Variants in CPNE4 observed in about 807,000 individuals in gnomAD.
CPNE4 encodes copine 4.
A neutral mutation model predicts 67.9 loss-of-function variants in CPNE4; 25 were observed. That is an observed-to-expected ratio of 0.37 (90% CI 0.27 to 0.51). CPNE4 has a LOEUF of 0.51. Among genes scored for constraint, CPNE4 ranks in the 20% least tolerant of loss-of-function variants. CPNE4 has a pLI of 0.93. For missense variants in CPNE4, 464 were observed against 690.8 expected, an observed-to-expected ratio of 0.67 and a Z score of 3.68; for synonymous variants, 242 against 244.9, an observed-to-expected ratio of 0.99 and a Z score of 0.11.
Position 132,034,962 on chromosome 3 carries a change from A to G in CPNE4, c.-397T>C. The G allele has an allele frequency of 2.0e-6, 2 of 985,678 alleles. No individual in the cohort carries two copies. The highest frequency in any genetic ancestry group is 9.4e-5 in the South Asian group (2 of 21,292). The allele number at this position is 985,678 out of a possible 1,614,324, so 61.1% of individuals were successfully genotyped here. On this transcript the variant is annotated 5_prime_UTR_variant, in exon 1 of 16. Coordinates refer to ENST00000429747, the MANE Select transcript of CPNE4 (RefSeq NM_130808.3). The stretch of plus-strand genomic sequence containing the variant: ...AGGGTGGCAGAAAGAGAAGGGGACG[A>G]GCGGGTGGCGGGGAGATGGCAGCTT...
At chr3:131,799,185 C>T (rs1233358774) in intron 2 of CPNE4, among the ~76,000 whole-genome samples, 1 of 151,978 alleles carries the variant, frequency 6.6e-6, no homozygotes, top group African/African-American at 2.4e-5. Flanking sequence ...CAGATATAAT[C>T]GAGTTAGGAA....
intron 6 of CPNE4, among the ~76,000 whole-genome samples, chr3:131,682,743 C>T (rs1203891940): frequency 1.3e-5 from 2 of 152,096 alleles, no homozygotes; most frequent in East Asian, 3.9e-4. Flanking sequence ...CTCCCAGTCC[C>T]AGGCAGGTCC....
intron 1 of CPNE4, among the ~76,000 whole-genome samples, chr3:131,961,618 C>T (rs2072180341): frequency 6.6e-6 from 1 of 152,178 alleles, no homozygotes; most frequent in South Asian, 2.1e-4. Context: ...CAAGCATGTT[C>T]TGTTTCTCTG....
At chr3:131,614,451 T>C (rs1022098674) in intron 7 of CPNE4, among the ~76,000 whole-genome samples, 5 of 152,300 alleles carry the variant, frequency 3.3e-5, no homozygotes, top group East Asian at 3.9e-4. Context: ...TGCATCCTTA[T>C]TGGACATGAG....
At chr3:131,859,598 TG>T (rs776668619) in intron 2 of CPNE4, among the ~76,000 whole-genome samples, 2 of 152,138 alleles carry the variant, frequency 1.3e-5, no homozygotes, top group African/African-American at 4.8e-5. Context: ...GTAGAATCTC[TG>T]GGGGTGGAAC....
intron 1 of CPNE4, among the ~76,000 whole-genome samples, chr3:131,906,521 C>A (rs1442446132): frequency 1.3e-5 from 2 of 150,130 alleles, no homozygotes; most frequent in Admixed American, 6.7e-5. Context: ...TTTGTTCTTG[C>A]GATAGTTTAC....
At chr3:131,891,768 G>T (rs1409998922) in intron 2 of CPNE4, among the ~76,000 whole-genome samples, 1 of 151,944 alleles carries the variant, frequency 6.6e-6, no homozygotes, top group Non-Finnish European at 1.5e-5. Flanking sequence ...TCTTTTTATG[G>T]CTGCATCGTA....
intron 7 of CPNE4, among the ~76,000 whole-genome samples, chr3:131,626,798 A>G (rs2079084798): frequency 6.6e-6 from 1 of 152,224 alleles, no homozygotes; most frequent in Admixed American, 6.5e-5. Context: ...AGGAGAAGTC[A>G]ATGCCCGGCT....
chr3:131,853,319 G>A (rs761474438), intron 2 of CPNE4, among the ~76,000 whole-genome samples: 2 of 151,694 alleles, frequency 1.3e-5, no homozygotes, highest in Non-Finnish European at 3.0e-5. Context: ...ATTCAATATG[G>A]AAAAAAGCGT....
chr3:131,838,710 G>C (rs966500971), intron 2 of CPNE4, among the ~76,000 whole-genome samples: 2 of 151,506 alleles, frequency 1.3e-5, no homozygotes, highest in African/African-American at 4.8e-5. Context: ...TACTATAAAA[G>C]TACTTGTTTT....
rs987817513 is a variant in CPNE4, at chr3:131,793,895, G to T, written c.181-70270C>A. Among the ~76,000 whole-genome samples the T allele has an allele frequency of 2.6e-5, 4 of 152,294 alleles. No homozygotes were observed. In the South Asian group the frequency reaches 8.3e-4, roughly 32 times the overall value. On this transcript the variant is annotated intron_variant, in intron 2 of 15. Transcript: ENST00000429747. ...CAGTCACTCACATATCACATGCCCT[G>T]TTTCTATGAGCTTGTCAGTGGTTGC...
chr3:131,643,541 A>G lies in CPNE4; in HGVS notation c.681+26134T>C, dbSNP rs73001279. Reference sequence around the variant, plus strand: ...CTTGGATTTTTGGGTTGATGCTGCAATGAGCTAAGATGTTGGGGGACTGGT... The same window carrying G: ...CTTGGATTTTTGGGTTGATGCTGCAGTGAGCTAAGATGTTGGGGGACTGGT... On this transcript the variant is annotated intron_variant, in intron 7 of 15. Coordinates refer to ENST00000429747, the MANE Select transcript of CPNE4 (RefSeq NM_130808.3). 9.1e-3 allele frequency among the ~76,000 whole-genome samples: 1,393 copies of G among 152,328 alleles called. 17 individuals are homozygous for G. Among genetic ancestry groups the G allele is most frequent in the African/African-American group, 0.032 (1,329 of 41,576 alleles).
At chr3:131,585,312 G>A (rs1436757972) in intron 8 of CPNE4, among the ~76,000 whole-genome samples, 1 of 152,142 alleles carries the variant, frequency 6.6e-6, no homozygotes, top group Non-Finnish European at 1.5e-5. Context: ...AGCATTGTTA[G>A]TCATGGTGCA....
At chr3:131,867,236 T>C (rs916482947) in intron 2 of CPNE4, among the ~76,000 whole-genome samples, 3 of 152,108 alleles carry the variant, frequency 2.0e-5, no homozygotes, top group Non-Finnish European at 2.9e-5. Flanking sequence ...CAGGAGGAAC[T>C]GCCTTCCCTC....
intron 3 of CPNE4, among the ~76,000 whole-genome samples, chr3:131,722,035 G>T (rs1211167362): frequency 6.6e-6 from 1 of 152,144 alleles, no homozygotes; most frequent in Non-Finnish European, 1.5e-5. Flanking sequence ...AAAGGAATAA[G>T]AAAATTAATC....
At chr3:131,868,410 A>G (rs73203897) in intron 2 of CPNE4, among the ~76,000 whole-genome samples, 11,496 of 152,102 alleles carry the variant, frequency 0.076, 583 homozygotes, top group East Asian at 0.17. Context: ...TAGATCTTGA[A>G]CCACAGGGTA....
chr3:132,014,548 T>C (rs2073849142), intron 1 of CPNE4, among the ~76,000 whole-genome samples: 1 of 152,212 alleles, frequency 6.6e-6, no homozygotes, highest in African/African-American at 2.4e-5. Flanking sequence ...TTATTTCCAT[T>C]TTACTTTTTC....
intron 7 of CPNE4, among the ~76,000 whole-genome samples, chr3:131,616,150 C>G (rs1940145474): frequency 6.6e-6 from 1 of 152,064 alleles, no homozygotes; most frequent in African/African-American, 2.4e-5. Context: ...TTTTACTCAT[C>G]ATAAACAATG....
intron 1 of CPNE4, 113 bp downstream of exon 1, chr3:132,034,454 G>T: frequency 3.1e-6 from 1 of 323,866 alleles, no homozygotes; most frequent in Non-Finnish European, 4.4e-6. Flanking sequence ...ACGTGCAAAG[G>T]TGAGCGAGAA....
Sources: gnomAD v4.1 joint callset for allele counts (sites outside exome capture counted in the v4.1 genomes callset) on GRCh38, gnomAD v4.1.1 for gene constraint, MANE v1.5 for transcripts, NCBI Gene and HGNC (gene_info 2026-07-23, HGNC 2026-07-21) for gene names.